Variants in PPP1R36 observed in about 807,000 individuals in gnomAD.
PPP1R36 encodes the protein chromosome 14 open reading frame 50.
Under a neutral mutation model 53.4 loss-of-function variants are expected in PPP1R36, and 47 were observed. The observed-to-expected ratio is 0.88, with a 90% CI of 0.70 to 1.12. The LOEUF (loss-of-function observed/expected upper bound fraction) is 1.12. Ranked by LOEUF, PPP1R36 falls within the 50% of genes most tolerant of loss-of-function variation. PPP1R36 has a pLI of 0.00. For missense variants in PPP1R36, 456 were observed against 513.9 expected, an observed-to-expected ratio of 0.89 and a Z score of 1.09; for synonymous variants, 153 against 170.5, an observed-to-expected ratio of 0.90 and a Z score of 0.80.
intron 8 of PPP1R36, chr14:64,586,091 C>G (rs2080431538): frequency 2.0e-5 from 3 of 152,230 alleles, no homozygotes; most frequent in African/African-American, 7.2e-5. Flanking sequence ...AGGCGCCCGC[C>G]ACCACACCCA....
intron 3 of PPP1R36, among the ~76,000 whole-genome samples, chr14:64,555,544 C>T (rs113289928): frequency 1.3e-5 from 2 of 152,130 alleles, no homozygotes; most frequent in Admixed American, 6.5e-5. Context: ...CTACACTTTT[C>T]TTTTTTCTAA....
At chr14:64,559,494 G>C (rs568027094) in intron 3 of PPP1R36, 1 of 152,392 alleles carries the variant, frequency 6.6e-6, no homozygotes, top group East Asian at 1.9e-4. Context: ...GACAGAGAAG[G>C]CTTCCCAAGG....
In PPP1R36 at chr14:64,574,493, G is replaced by A. The variant is rs541050739; in HGVS notation, c.572G>A (p.Ser191Asn). Residue 191 changes from serine to asparagine, a missense_variant, in exon 8 of 12, where the codon AGT becomes AAT. Coordinates refer to ENST00000298705, the MANE Select transcript of PPP1R36 (RefSeq NM_172365.3). ...VEKKEMELVL[S>N]ELEAAQRYLA... ...AAAAAAGAAATGGAATTGGTTTTAAGTGAATTAGAAGCAGCACAGAGGTAC... is the reference window on the plus strand; with the variant it reads ...AAAAAAGAAATGGAATTGGTTTTAAATGAATTAGAAGCAGCACAGAGGTAC... 58 of 1,613,868 alleles carry A rather than the reference G, an allele frequency of 3.6e-5. No homozygotes were observed. In the Middle Eastern group the frequency reaches 6.6e-4, roughly 18 times the overall value.
rs1051892417 is a variant in PPP1R36, at chr14:64,562,226, C to T, written c.183-2525C>T. On this transcript the variant is annotated intron_variant, in intron 3 of 11. Coordinates refer to ENST00000298705, the MANE Select transcript of PPP1R36 (RefSeq NM_172365.3). Reference sequence around the variant, plus strand: ...CTGTAATCCTAGCACTTTGGGAGGCCGAGGTGGATGGATCACTTGAGGTCA... The same window carrying T: ...CTGTAATCCTAGCACTTTGGGAGGCTGAGGTGGATGGATCACTTGAGGTCA... Among the ~76,000 whole-genome samples the T allele has an allele frequency of 7.2e-5, 11 of 152,110 alleles. No individual in the cohort carries two copies. The South Asian group carries it at 8.3e-4, about 11-fold the overall frequency.
intron 8 of PPP1R36, among the ~76,000 whole-genome samples, chr14:64,580,694 T>C (rs2080381569): frequency 6.6e-6 from 1 of 152,174 alleles, no homozygotes; most frequent in Non-Finnish European, 1.5e-5. Flanking sequence ...GGTCAAACGC[T>C]GAACAAAGGA....
intron 10 of PPP1R36, among the ~76,000 whole-genome samples, chr14:64,587,586 G>A (rs558838741): frequency 6.7e-5 from 10 of 148,928 alleles, no homozygotes; most frequent in African/African-American, 1.5e-4. Flanking sequence ...TCAGCCTCCC[G>A]AGTAGCTAGG....
In PPP1R36 at chr14:64,574,400, T is replaced by A. The variant is rs141495742; in HGVS notation, c.534-55T>A. On this transcript the variant is annotated intron_variant, in intron 7 of 11. Transcript: ENST00000298705. Reference sequence around the variant, plus strand: ...ATAATTCTGACTTTTTGCTAGTTAATATAGGCACTTATGACAATTAACCCA... The same window carrying A: ...ATAATTCTGACTTTTTGCTAGTTAAAATAGGCACTTATGACAATTAACCCA... The A allele has an allele frequency of 1.0e-4, 154 of 1,537,054 alleles. 1 individual carries two copies. In the East Asian group the frequency reaches 3.1e-3, roughly 31 times the overall value.
At chr14:64,574,695 TGTTGTC>T in intron 8 of PPP1R36, 106 bp downstream of exon 8, 1 of 1,289,198 alleles carries the variant, frequency 7.8e-7, no homozygotes, top group Non-Finnish European at 1.1e-6. Context: ...TTCCTTTTTC[TGTTGTC>T]CAGAGTAATT....
chr14:64,583,940 G>A (rs1458850704), intron 8 of PPP1R36, among the ~76,000 whole-genome samples: 1 of 126,200 alleles, frequency 7.9e-6, no homozygotes, highest in Non-Finnish European at 1.6e-5. Flanking sequence ...TTGCTCTGTC[G>A]CCCAGGCTGG....
chr14:64,584,098 C>T (rs1033846129), intron 8 of PPP1R36, among the ~76,000 whole-genome samples: 13 of 152,060 alleles, frequency 8.5e-5, no homozygotes, highest in Non-Finnish European at 1.8e-4. Flanking sequence ...GATGGTGTTT[C>T]GCCATGTTGG....
At chr14:64,564,955 C>A (rs976340861) in intron 4 of PPP1R36, 118 bp downstream of exon 4, 14 of 673,438 alleles carry the variant, frequency 2.1e-5, no homozygotes, top group Non-Finnish European at 3.6e-5. Context: ...ATGCGAATAC[C>A]CATCAAAGAA....
intron 8 of PPP1R36, among the ~76,000 whole-genome samples, chr14:64,578,764 C>T (rs1168147385): frequency 1.3e-5 from 2 of 152,184 alleles, no homozygotes; most frequent in Admixed American, 6.5e-5. Context: ...TGGGTATATA[C>T]CCAGAGGAAT....
chr14:64,553,529 G>A (rs889036101), intron 3 of PPP1R36, among the ~76,000 whole-genome samples: 3 of 152,092 alleles, frequency 2.0e-5, no homozygotes, highest in Non-Finnish European at 2.9e-5. Context: ...ACAAAAACAT[G>A]AGCAAAAGAG....
At chr14:64,574,385 C>CT (rs1265145835) in intron 7 of PPP1R36, 70 bp from the exon 8 acceptor site, 34 of 1,459,608 alleles carry the variant, frequency 2.3e-5, no homozygotes, top group Non-Finnish European at 3.2e-5. Flanking sequence ...ATAATTCTGA[C>CT]TTTTTGCTAG....
intron 3 of PPP1R36, among the ~76,000 whole-genome samples, chr14:64,563,068 G>A (rs1391266666): frequency 6.6e-6 from 1 of 152,124 alleles, no homozygotes; most frequent in Non-Finnish European, 1.5e-5. Flanking sequence ...ATTTCTCCAT[G>A]TTGGTCAGGC....
At chr14:64,586,688 C>A (rs1596750825) in intron 8 of PPP1R36, 149 bp from the exon 9 acceptor site, 2 of 561,248 alleles carry the variant, frequency 3.6e-6, no homozygotes, top group East Asian at 2.9e-5. Flanking sequence ...TATTGAGACT[C>A]TTTATCAATG....
chr14:64,577,148 A>G (rs1183825251), intron 8 of PPP1R36, among the ~76,000 whole-genome samples: 1 of 152,114 alleles, frequency 6.6e-6, no homozygotes, highest in African/African-American at 2.4e-5. Flanking sequence ...TTGTATCCTC[A>G]CCATGGCAGA....
intron 8 of PPP1R36, among the ~76,000 whole-genome samples, chr14:64,578,356 T>C (rs1386893584): frequency 6.6e-6 from 1 of 152,222 alleles, no homozygotes; most frequent in Non-Finnish European, 1.5e-5. Flanking sequence ...AACCAGTGTT[T>C]TTCAGAGTAC....
At chr14:64,579,996 C>T (rs763011950) in intron 8 of PPP1R36, among the ~76,000 whole-genome samples, 3 of 150,284 alleles carry the variant, frequency 2.0e-5, no homozygotes, top group Non-Finnish European at 3.0e-5. Context: ...AAAACAAAAA[C>T]ATGCTCTTAA....
Sources: allele counts gnomAD v4.1 joint callset (sites outside exome capture counted in the v4.1 genomes callset), GRCh38; gene constraint gnomAD v4.1.1; transcripts MANE v1.5; gene names NCBI Gene and HGNC (gene_info 2026-07-23, HGNC 2026-07-21).